Variants in GBP7 observed in about 807,000 individuals in gnomAD.
GBP7 encodes guanylate-binding protein 7.
A neutral mutation model predicts 61.3 loss-of-function variants in GBP7; 43 were observed. That is an observed-to-expected ratio of 0.70 (90% CI 0.55 to 0.91). The LOEUF is 0.91. Ranked by LOEUF, GBP7 falls within the 40% of genes least tolerant of loss-of-function variation. The pLI, the probability that GBP7 is intolerant of heterozygous loss-of-function variation, is 0.00. For missense variants in GBP7, 717 were observed against 740.5 expected, an observed-to-expected ratio of 0.97 and a Z score of 0.37; for synonymous variants, 267 against 271.0, an observed-to-expected ratio of 0.99 and a Z score of 0.14.
Position 89,132,373 on chromosome 1 carries a change from T to C in GBP7, c.1693A>G (p.Lys565Glu), listed in dbSNP as rs752236823. 7 of 1,611,776 alleles carry C rather than the reference T, an allele frequency of 4.3e-6. No homozygotes were observed. In the South Asian group the frequency reaches 7.7e-5, roughly 18 times the overall value. The change falls in exon 11 of 11, where the codon AAA becomes GAA. Residue 565 changes from lysine to glutamate, a missense_variant. Physicochemically the swap from Lys to Glu is moderately conservative, Grantham distance 56. Around this residue, in one of 3 missense-constraint regions of GBP7, gnomAD observed 312 missense variants for 310.1 expected, o/e 1.01. Coordinates refer to ENST00000294671, the MANE Select transcript of GBP7 (RefSeq NM_207398.3). ...TCATTTAACGACTCAAATATCTCTT[T>C]AAATCCTTCAGTAAGCAGTTCTTCT... ...VLEELLTEGF[K>E]EIFESLNEEI...
intron 8 of GBP7, among the ~76,000 whole-genome samples, chr1:89,144,513 G>A (rs1016793836): frequency 9.9e-5 from 15 of 152,202 alleles, no homozygotes; most frequent in East Asian, 7.7e-4. Context: ...GTGTATAAGC[G>A]TTCCCTTTTC....
At chr1:89,142,638 A>G (rs1681979404) in intron 8 of GBP7, among the ~76,000 whole-genome samples, 1 of 152,246 alleles carries the variant, frequency 6.6e-6, no homozygotes, top group South Asian at 2.1e-4. Flanking sequence ...ACAACACTGC[A>G]TAGACTTAAC....
At chr1:89,156,783 C>A (rs1218380893) in intron 3 of GBP7, among the ~76,000 whole-genome samples, 1 of 152,148 alleles carries the variant, frequency 6.6e-6, no homozygotes, top group Non-Finnish European at 1.5e-5. Context: ...CCACTGTCAA[C>A]GTTAGACAGA....
chr1:89,136,031 G>A (rs1012270454), intron 9 of GBP7, among the ~76,000 whole-genome samples: 2 of 152,126 alleles, frequency 1.3e-5, no homozygotes, highest in Non-Finnish European at 2.9e-5. Context: ...AGACAAAACA[G>A]ACTCCAAACC....
intron 7 of GBP7, among the ~76,000 whole-genome samples, chr1:89,148,512 A>T (rs1033208405): frequency 2.6e-5 from 4 of 152,264 alleles, no homozygotes; most frequent in African/African-American, 4.8e-5. Context: ...AGTACTGAGT[A>T]CACTCAAGAA....
intron 3 of GBP7, among the ~76,000 whole-genome samples, chr1:89,156,747 C>A (rs919388666): frequency 4.6e-5 from 7 of 152,166 alleles, no homozygotes; most frequent in African/African-American, 1.7e-4. Flanking sequence ...GACTCCCACA[C>A]AATACTAATG....
At chr1:89,163,837 CTTTT>C (rs750171878) in intron 3 of GBP7, among the ~76,000 whole-genome samples, 55 of 150,728 alleles carry the variant, frequency 3.6e-4, no homozygotes, top group Non-Finnish European at 6.7e-4. Flanking sequence ...GTTTTCTTTT[CTTTT>C]TCTTTCTTTT....
chr1:89,163,189 T>C (rs190257651), intron 3 of GBP7, among the ~76,000 whole-genome samples: 4 of 152,314 alleles, frequency 2.6e-5, no homozygotes, highest in African/African-American at 7.2e-5. Flanking sequence ...GATTTTTGCA[T>C]TGATGTTATC....
At chr1:89,144,060 A>C (rs1682013615) in intron 8 of GBP7, among the ~76,000 whole-genome samples, 1 of 152,040 alleles carries the variant, frequency 6.6e-6, no homozygotes, top group Non-Finnish European at 1.5e-5. Flanking sequence ...CCCAGTGTAT[A>C]TTGTTCCCGT....
chr1:89,150,210 C>G, intron 6 of GBP7, 120 bp downstream of exon 6: 1 of 922,328 alleles, frequency 1.1e-6, no homozygotes, highest in East Asian at 2.4e-5. Context: ...CTTCACTTAT[C>G]CCACACCTCA....
At chr1:89,137,501 A>G (rs1001455794) in intron 9 of GBP7, among the ~76,000 whole-genome samples, 2 of 152,202 alleles carry the variant, frequency 1.3e-5, no homozygotes, top group East Asian at 3.8e-4. Context: ...TTGATTCAGC[A>G]TATGCTAATA....
chr1:89,136,659 T>G (rs997024077), intron 9 of GBP7, among the ~76,000 whole-genome samples: 2 of 152,048 alleles, frequency 1.3e-5, no homozygotes, highest in African/African-American at 4.8e-5. Context: ...ACTAGAGCAG[T>G]GTTAAGAGGA....
chr1:89,161,312 T>C (rs1421074386), intron 3 of GBP7, among the ~76,000 whole-genome samples: 1 of 152,186 alleles, frequency 6.6e-6, no homozygotes, highest in Non-Finnish European at 1.5e-5. Flanking sequence ...CTGGGTCAAA[T>C]GGTAGTTCTG....
At chr1:89,136,461 C>A (rs973288661) in intron 9 of GBP7, among the ~76,000 whole-genome samples, 2 of 152,096 alleles carry the variant, frequency 1.3e-5, no homozygotes, top group Non-Finnish European at 2.9e-5. Context: ...CATACCAATG[C>A]TGTCAGACCA....
intron 2 of GBP7, among the ~76,000 whole-genome samples, chr1:89,170,109 G>A (rs192492047): frequency 1.2e-4 from 18 of 152,058 alleles, no homozygotes; most frequent in East Asian, 1.2e-3. Context: ...TAGCACTCTC[G>A]GCTTTAATTT....
intron 3 of GBP7, among the ~76,000 whole-genome samples, chr1:89,155,750 T>C (rs1456112048): frequency 6.6e-6 from 1 of 152,138 alleles, no homozygotes; most frequent in East Asian, 1.9e-4. Flanking sequence ...CTGAAAGTGA[T>C]GGGGAGAATG....
At chr1:89,164,886 T>C (rs371709201) in intron 2 of GBP7, 28 bp from the exon 3 acceptor site, 49 of 1,610,986 alleles carry the variant, frequency 3.0e-5, no homozygotes, top group Non-Finnish European at 3.7e-5. Context: ...AAACAACATA[T>C]AGTGACAGCA....
At position 89,131,913 on chromosome 1, in the gene GBP7, C is replaced by T; in HGVS notation, c.*236G>A. 2 of 353,616 alleles carry T rather than the reference C, an allele frequency of 5.7e-6. No individual in the cohort carries two copies. The highest frequency in any genetic ancestry group is 1.0e-5 in the Non-Finnish European group (2 of 197,932). The allele number at this position is 353,616 out of a possible 1,614,324, so 21.9% of individuals were successfully genotyped here. A position where few individuals can be genotyped will look rare whatever the true frequency, so the allele number is the denominator to read the frequency against. ...AATTGAAAATAATTTCTTTATATTACCATTTGTCCTTTTGCTTTACTTAAA... is the reference window on the plus strand; with the variant it reads ...AATTGAAAATAATTTCTTTATATTATCATTTGTCCTTTTGCTTTACTTAAA... On this transcript the variant is annotated 3_prime_UTR_variant, in exon 11 of 11. Transcript: ENST00000294671.
intron 9 of GBP7, among the ~76,000 whole-genome samples, chr1:89,136,736 C>CAA (rs375997602): frequency 6.6e-6 from 1 of 152,156 alleles, no homozygotes; most frequent in Admixed American, 6.5e-5. Context: ...TCTAACATTA[C>CAA]ACCTTGAGGA....
Sources: gnomAD v4.1 joint callset for allele counts (sites outside exome capture counted in the v4.1 genomes callset) on GRCh38, gnomAD v4.1.1 for gene constraint, gnomAD v4.1.1 regional missense constraint, MANE v1.5 for transcripts, NCBI Gene and HGNC (gene_info 2026-07-23, HGNC 2026-07-21) for gene names.